CRTC3: variants seen among roughly 807,000 people sequenced by gnomAD.
CRTC3 encodes CREB-regulated transcription coactivator 3.
In CRTC3, 26 loss-of-function variants were observed where a neutral mutation model predicts 74.5. The observed-to-expected ratio is 0.35, with a 90% CI of 0.26 to 0.48. CRTC3 has a LOEUF of 0.48. CRTC3 is among the 20% of genes least tolerant of loss of function. The probability of loss-of-function intolerance (pLI) is 0.99; values close to 1 mark genes in which losing one functional copy is unlikely to be tolerated. For synonymous variants in CRTC3, 377 were observed against 325.8 expected, an observed-to-expected ratio of 1.16 and a Z score of -1.69; for missense variants, 760 against 787.3, an observed-to-expected ratio of 0.97 and a Z score of 0.41.
At chr15:90,628,033 C>T (rs990447184) in intron 10 of CRTC3, among the ~76,000 whole-genome samples, 1 of 150,874 alleles carries the variant, frequency 6.6e-6, no homozygotes, top group Non-Finnish European at 1.5e-5. Flanking sequence ...CTGGCTAACA[C>T]GGTGAAACCC....
intron 2 of CRTC3, among the ~76,000 whole-genome samples, chr15:90,577,914 A>T (rs1170104942): frequency 6.6e-6 from 1 of 152,202 alleles, no homozygotes; most frequent in Admixed American, 6.5e-5. Context: ...TTATTTATTT[A>T]TTTTTAAATT....
At chr15:90,547,856 G>A (rs567618806) in intron 2 of CRTC3, among the ~76,000 whole-genome samples, 1 of 151,568 alleles carries the variant, frequency 6.6e-6, no homozygotes, top group Non-Finnish European at 1.5e-5. Flanking sequence ...CTCTGTATAG[G>A]GCTTTGTAGG....
chr15:90,639,755 C>T (rs1429123454), intron 13 of CRTC3, among the ~76,000 whole-genome samples: 1 of 148,088 alleles, frequency 6.8e-6, no homozygotes. Flanking sequence ...CAGCCAAGAA[C>T]TTAATAAAAT....
At chr15:90,585,612 G>C (rs565018595) in intron 2 of CRTC3, among the ~76,000 whole-genome samples, 1 of 152,146 alleles carries the variant, frequency 6.6e-6, no homozygotes, top group African/African-American at 2.4e-5. Flanking sequence ...TTAGTTTTTA[G>C]GCTGCTACAA....
rs1052356855 is a variant in CRTC3 at position 90,545,772 on chromosome 15, G to A, written c.231+5635G>A. ...TTTTTGTATTTTTAGTAGAGACGGGGTTTCACTGTGTTAGCCAGGATGGTC... is the reference window on the plus strand; with the variant it reads ...TTTTTGTATTTTTAGTAGAGACGGGATTTCACTGTGTTAGCCAGGATGGTC... On this transcript the variant is annotated intron_variant, in intron 2 of 14. Transcript: ENST00000268184. Among the ~76,000 whole-genome samples, 10 of 152,134 alleles carry A rather than the reference G, an allele frequency of 6.6e-5. 1 individual carries two copies. The South Asian group carries it at 1.0e-3, about 16-fold the overall frequency.
At chr15:90,580,766 A>G (rs896735154) in intron 2 of CRTC3, among the ~76,000 whole-genome samples, 1 of 152,096 alleles carries the variant, frequency 6.6e-6, no homozygotes, top group African/African-American at 2.4e-5. Flanking sequence ...GGAATGCCAG[A>G]CCAACTCAGT....
chr15:90,580,874 C>T (rs887510759), intron 2 of CRTC3, among the ~76,000 whole-genome samples: 19 of 151,874 alleles, frequency 1.3e-4, no homozygotes, highest in African/African-American at 4.6e-4. Context: ...TAGCTTGGTT[C>T]GTTATGGAGA....
At chr15:90,536,509 C>G (rs1316918842) in intron 1 of CRTC3, among the ~76,000 whole-genome samples, 1 of 145,214 alleles carries the variant, frequency 6.9e-6, no homozygotes. Flanking sequence ...AAAAAAATTG[C>G]TCTGACTATT....
intron 2 of CRTC3, among the ~76,000 whole-genome samples, chr15:90,570,057 A>G (rs1193733742): frequency 2.0e-5 from 3 of 152,220 alleles, no homozygotes; most frequent in Admixed American, 2.0e-4. Context: ...TATGTTGAAC[A>G]AAATACTTAA....
At chr15:90,572,834 C>T (rs1967306555) in intron 2 of CRTC3, among the ~76,000 whole-genome samples, 1 of 152,174 alleles carries the variant, frequency 6.6e-6, no homozygotes, top group Non-Finnish European at 1.5e-5. Flanking sequence ...CCTTGGCCTC[C>T]CAAAGTGCTG....
chr15:90,582,677 C>T (rs1883321950), intron 2 of CRTC3, among the ~76,000 whole-genome samples: 1 of 152,198 alleles, frequency 6.6e-6, no homozygotes, highest in South Asian at 2.1e-4. Context: ...AACAGAACTT[C>T]TAATGTTTTC....
At chr15:90,607,565 T>A in intron 6 of CRTC3, 87 bp downstream of exon 6, 1 of 816,604 alleles carries the variant, frequency 1.2e-6, no homozygotes, top group East Asian at 2.6e-5. Context: ...AAGTGGTGTT[T>A]GCGCTTCCCG....
chr15:90,640,728 G>A (rs1275662930), intron 13 of CRTC3, among the ~76,000 whole-genome samples: 1 of 152,016 alleles, frequency 6.6e-6, no homozygotes, highest in East Asian at 1.9e-4. Flanking sequence ...ATACTTCCTT[G>A]GTTATAGACA....
chr15:90,625,860 C>T lies in CRTC3; in HGVS notation c.834C>T (p.Thr278=). The T allele has an allele frequency of 1.9e-6, 3 of 1,614,150 alleles. No individual in the cohort carries two copies. Among genetic ancestry groups the T allele is most frequent in the East Asian group, 2.2e-5 (1 of 44,892 alleles). ...CTGGAGGGTCATTGCCAGATCTAAC[C>T]AACCTCCACTACTCGACACCCCTGC... ...LNTGGSLPDL[T]NLHYSTPLPA... Residue 278 remains threonine, a synonymous_variant, in exon 10 of 15, where the codon ACC becomes ACT. Transcript: ENST00000268184.
chr15:90,560,701 G>T (rs977303348), intron 2 of CRTC3, among the ~76,000 whole-genome samples: 1 of 152,350 alleles, frequency 6.6e-6, no homozygotes, highest in South Asian at 2.1e-4. Flanking sequence ...GGGAATGAGA[G>T]CAGCGCCCAG....
intron 2 of CRTC3, among the ~76,000 whole-genome samples, chr15:90,558,600 A>T (rs1966944377): frequency 6.6e-6 from 1 of 151,918 alleles, no homozygotes; most frequent in Admixed American, 6.6e-5. Flanking sequence ...TGAATGGCTT[A>T]CTTCCTCACT....
chr15:90,640,540 T>C (rs1268764486), intron 13 of CRTC3, among the ~76,000 whole-genome samples: 1 of 151,946 alleles, frequency 6.6e-6, no homozygotes, highest in Non-Finnish European at 1.5e-5. Context: ...ATACAAAAAT[T>C]AGCCAGGCAT....
chr15:90,544,268 C>T (rs1467128558), intron 2 of CRTC3, among the ~76,000 whole-genome samples: 1 of 152,190 alleles, frequency 6.6e-6, no homozygotes. Flanking sequence ...TTGTCTGTGT[C>T]TGTGTTTAAA....
intron 1 of CRTC3, among the ~76,000 whole-genome samples, chr15:90,536,166 C>G (rs1221374011): frequency 1.3e-5 from 2 of 152,100 alleles, no homozygotes; most frequent in African/African-American, 4.8e-5. Context: ...TTGACAATAG[C>G]ACACTGTCTG....
Sources: gnomAD v4.1 joint callset for allele counts (sites outside exome capture counted in the v4.1 genomes callset) on GRCh38, gnomAD v4.1.1 for gene constraint, MANE v1.5 for transcripts, NCBI Gene and HGNC (gene_info 2026-07-23, HGNC 2026-07-21) for gene names.